The following LIN37 variants were observed in gnomAD, a reference collection of about 807,000 sequenced individuals.
The protein encoded by LIN37 is protein lin-37 homolog.
LIN37 carries 21 observed loss-of-function variants against 38.0 expected under a neutral mutation model. The ratio of observed to expected loss-of-function variants is 0.55; its 90% CI spans 0.39 to 0.80. The LOEUF (loss-of-function observed/expected upper bound fraction) is 0.80, where lower values mean the gene tolerates loss of function less well. Ranked by LOEUF, LIN37 falls within the 30% of genes least tolerant of loss-of-function variation. LIN37 has a pLI of 0.00. For synonymous variants in LIN37, 126 were observed against 122.9 expected (o/e 1.03, Z -0.17); for missense variants, 273 against 338.5 (o/e 0.81, Z 1.52).
At chr19:35,752,770 C>A (rs754817014) in intron 3 of LIN37, 34 bp from the exon 4 acceptor site, 2 of 1,605,152 alleles carry the variant, frequency 1.2e-6, no homozygotes, top group Non-Finnish European at 1.7e-6. Context: ...TTTGCACAGG[C>A]GTTTGTCTGA....
intron 6 of LIN37, 125 bp from the exon 7 acceptor site, chr19:35,753,892 G>C (rs1237553964): frequency 1.8e-6 from 2 of 1,121,988 alleles, no homozygotes; most frequent in Non-Finnish European, 2.6e-6. Flanking sequence ...CATGCCTCCT[G>C]TCTGAGTCCC....
Position 35,752,447 on chromosome 19 carries a change from G to T in LIN37, c.124G>T (p.Glu42Ter), listed in dbSNP as rs1220591594. The change falls in exon 3 of 9, where the codon GAG becomes TAG. Residue 42 changes from glutamate (E) to a stop codon, truncating the protein, a stop_gained. Transcript: ENST00000301159. LOFTEE classifies it high-confidence loss of function. ...TTCTGCCTCTAGGGAGCGTCTGGAT[G>T]AGGAAGCTGGGAAAACACCCTCAGA... ...KSHMDRERLD[E>*]EAGKTPSDTH... is the part of the protein sequence containing the mutation. 1.9e-6 allele frequency: 3 copies of T among 1,613,894 alleles called. No individual in the cohort carries two copies. The South Asian group carries it at 3.3e-5, about 18-fold the overall frequency.
intron 6 of LIN37, 181 bp from the exon 7 acceptor site, chr19:35,753,836 C>T: frequency 1.6e-6 from 1 of 644,808 alleles, no homozygotes; most frequent in South Asian, 1.9e-5. Context: ...GTCCCTGGGG[C>T]AGGCACACTT....
rs781639375 is a variant in LIN37, at chr19:35,754,026, G to A, written c.454G>A (p.Val152Ile). Residue 152 changes from valine to isoleucine, a missense_variant, in exon 7 of 9, where the codon GTA becomes ATA. Coordinates refer to ENST00000301159, the MANE Select transcript of LIN37 (RefSeq NM_019104.3). ...GCCCTTGTGTCCCCAGGGCTCAGAG[G>A]TAACCAACAGCAAGAGTCGTGATGT... is the stretch of plus-strand genomic sequence containing the variant. Reference protein sequence around the residue: ...PLPEDEEGSEVTNSKSRDVYK... With the variant: ...PLPEDEEGSEITNSKSRDVYK... The A allele has an allele frequency of 3.1e-6, 5 of 1,613,572 alleles. No homozygotes were observed. Among genetic ancestry groups the A allele is most frequent in the South Asian group, 1.1e-5 (1 of 91,084 alleles).
intron 1 of LIN37, chr19:35,748,970 G>A: frequency 2.8e-6 from 4 of 1,427,230 alleles, no homozygotes; most frequent in Non-Finnish European, 3.7e-6. Context: ...GGGTGGCTCG[G>A]GCAATGACGT....
Position 35,748,646 on chromosome 19 carries a change from G to C in LIN37, c.-79G>C. The C allele has an allele frequency of 6.3e-7, 1 of 1,595,292 alleles. No homozygotes were observed. Among genetic ancestry groups the C allele is most frequent in the Non-Finnish European group, 8.6e-7 (1 of 1,163,312 alleles). Reference sequence around the variant, plus strand: ...CGAAGCTCATCTTTGAACTGTCCCCGCCTTCTCCCGCCTTGACTTGTGACC... The same window carrying C: ...CGAAGCTCATCTTTGAACTGTCCCCCCCTTCTCCCGCCTTGACTTGTGACC... On this transcript the variant is annotated 5_prime_UTR_variant, in exon 1 of 9. Transcript: ENST00000301159.
intron 1 of LIN37, 71 bp from the exon 2 acceptor site, chr19:35,752,105 C>T: frequency 8.1e-7 from 1 of 1,237,240 alleles, no homozygotes; most frequent in Admixed American, 2.0e-5. Flanking sequence ...CACGCCCTTC[C>T]CTGGCCCAGT....
chr19:35,752,736 T>C, intron 3 of LIN37, 68 bp from the exon 4 acceptor site: 1 of 1,566,224 alleles, frequency 6.4e-7, no homozygotes, highest in Non-Finnish European at 8.7e-7. Context: ...GATACCAGTA[T>C]CCCCAGGGTG....
At position 35,753,667 on chromosome 19, in the gene LIN37, A is replaced by T. The variant is rs989936552; in HGVS notation, c.445-350A>T. ...AGACAAGGGTCCCCAGGACAGACATATAGGACCCTTCAGACATATAGGACT... is the reference window on the plus strand; with the variant it reads ...AGACAAGGGTCCCCAGGACAGACATTTAGGACCCTTCAGACATATAGGACT... On this transcript the variant is annotated intron_variant, in intron 6 of 8. Coordinates refer to ENST00000301159, the MANE Select transcript of LIN37 (RefSeq NM_019104.3). The T allele has an allele frequency of 1.6e-5, 8 of 492,172 alleles. No individual in the cohort carries two copies. In the Admixed American group the frequency reaches 2.7e-4, roughly 16 times the overall value. The allele number at this position is 492,172 out of a possible 1,614,324, so 30.5% of individuals were successfully genotyped here.
chr19:35,752,127 C>A, intron 1 of LIN37, 49 bp from the exon 2 acceptor site: 1 of 1,457,384 alleles, frequency 6.9e-7, no homozygotes, highest in South Asian at 1.2e-5. Flanking sequence ...AGCTGCCCAC[C>A]TAGCTGGGGC....
chr19:35,752,371 G>A, intron 2 of LIN37, 63 bp from the exon 3 acceptor site: 1 of 1,592,734 alleles, frequency 6.3e-7, no homozygotes, highest in South Asian at 1.1e-5. Flanking sequence ...TGGGGAGGCT[G>A]CTCGGTGCCT....
intron 8 of LIN37, 29 bp downstream of exon 8, chr19:35,754,348 C>T (rs113189543): frequency 3.7e-6 from 6 of 1,613,876 alleles, no homozygotes; most frequent in South Asian, 2.2e-5. Context: ...GCTTGCCCCT[C>T]GTAGGGCCCT....
At position 35,754,241 on chromosome 19, in the gene LIN37, T is replaced by G; in HGVS notation, c.586-5T>G. 2 of 1,614,004 alleles carry G rather than the reference T, an allele frequency of 1.2e-6. No homozygotes were observed. The highest frequency in any genetic ancestry group is 1.7e-6 in the Non-Finnish European group (2 of 1,179,878). ...CCACTCAACCTGGCCTGTCTGTCCA[T>G]GCAGCCCTCTGAGCCCGAGCCCTCA... On this transcript the variant is annotated splice_region_variant and splice_polypyrimidine_tract_variant and intron_variant, in intron 7 of 8. Coordinates refer to ENST00000301159, the MANE Select transcript of LIN37 (RefSeq NM_019104.3).
In LIN37 at chr19:35,753,163, C is replaced by A. The variant is rs1369912908; in HGVS notation, c.354C>A (p.Ile118=). 2 of 1,592,286 alleles carry A rather than the reference C, an allele frequency of 1.3e-6. No individual in the cohort carries two copies. Among genetic ancestry groups the A allele is most frequent in the African/African-American group, 1.3e-5 (1 of 74,510 alleles). ...GCGAGAACACGCCACTGTACCCAAT[C>A]TGCCGCGCCTGGATGCGCAACAGCC... The part of the protein sequence containing the change: ...QFSENTPLYP[I]CRAWMRNSPS... Residue 118 remains isoleucine (I), a synonymous_variant, in exon 6 of 9, where the codon ATC becomes ATA. Transcript: ENST00000301159.
rs769530810 is a variant in LIN37, at chr19:35,754,044, C to T, written c.472C>T (p.Arg158Cys). ...EGSEVTNSKS[R>C]DVYKLPPPTP... ...CTCAGAGGTAACCAACAGCAAGAGT[C>T]GTGATGTGTACAAGCTGCCGCCACC... The change falls in exon 7 of 9, where the codon CGT becomes TGT. Residue 158 changes from arginine to cysteine, a missense_variant. Transcript: ENST00000301159. 31 of 1,613,640 alleles carry T rather than the reference C, an allele frequency of 1.9e-5. 1 individual carries two copies. The highest frequency in any genetic ancestry group is 4.5e-5 in the East Asian group (2 of 44,894).
At chr19:35,752,295 G>A in intron 2 of LIN37, 44 bp downstream of exon 2, 2 of 1,583,134 alleles carry the variant, frequency 1.3e-6, no homozygotes, top group Non-Finnish European at 8.6e-7. Context: ...CTGGTGGGTT[G>A]GGCCCTCTGA....
chr19:35,753,203 C>T lies in LIN37; in HGVS notation c.394C>T (p.Arg132Cys), dbSNP rs778033607. Residue 132 changes from arginine (R) to cysteine (C), a missense_variant, in exon 6 of 9, where the codon CGT becomes TGT. Physicochemically the swap from Arg to Cys is radical, Grantham distance 180. Coordinates refer to ENST00000301159, the MANE Select transcript of LIN37 (RefSeq NM_019104.3). The part of the protein sequence containing the change: ...WMRNSPSVRE[R>C]ECSPSSPLPP... Reference sequence around the variant, plus strand: ...GCGCAACAGCCCCTCTGTGCGCGAGCGTGAATGCTCTCCCAGCTCACCCCT... The same window carrying T: ...GCGCAACAGCCCCTCTGTGCGCGAGTGTGAATGCTCTCCCAGCTCACCCCT... 96 of 1,564,756 alleles carry T rather than the reference C, an allele frequency of 6.1e-5. No individual in the cohort carries two copies. Among genetic ancestry groups the T allele is most frequent in the South Asian group, 2.5e-4 (21 of 84,788 alleles).
intron 3 of LIN37, 127 bp from the exon 4 acceptor site, chr19:35,752,677 G>A (rs964998899): frequency 1.8e-5 from 25 of 1,384,716 alleles, no homozygotes; most frequent in Non-Finnish European, 2.5e-5. Context: ...GTATGGGTGG[G>A]ACAAAAGGCC....
chr19:35,748,929 T>C, intron 1 of LIN37, 171 bp downstream of exon 1: 1 of 1,515,386 alleles, frequency 6.6e-7, no homozygotes, highest in South Asian at 1.3e-5. Flanking sequence ...ACCCTCCCGG[T>C]GTGCGCTTGA....
Sources: allele counts gnomAD v4.1 joint callset, GRCh38; gene constraint gnomAD v4.1.1; transcripts MANE v1.5; gene names NCBI Gene and HGNC (gene_info 2026-07-23, HGNC 2026-07-21).